Variants in CYRIA observed in about 807,000 individuals in gnomAD.
CYRIA encodes the protein CYFIP related Rac1 interactor A.
A neutral mutation model predicts 43.9 loss-of-function variants in CYRIA; 15 were observed. The ratio of observed to expected loss-of-function variants is 0.34; its 90% CI spans 0.23 to 0.53. The LOEUF is 0.53. Ranked by LOEUF, CYRIA falls within the 20% of genes least tolerant of loss-of-function variation. The probability of loss-of-function intolerance (pLI) is 0.94; values close to 1 mark genes in which losing one functional copy is unlikely to be tolerated. For missense variants in CYRIA, 236 were observed against 394.2 expected, an observed-to-expected ratio of 0.60 and a Z score of 3.40; for synonymous variants, 117 against 136.0, an observed-to-expected ratio of 0.86 and a Z score of 0.97.
At chr2:16,577,700 G>A (rs1248590621) in intron 3 of CYRIA, among the ~76,000 whole-genome samples, 1 of 152,178 alleles carries the variant, frequency 6.6e-6, no homozygotes, top group African/African-American at 2.4e-5. Flanking sequence ...GGGAGCTCCA[G>A]GCAGAAGGAC....
chr2:16,657,799 G>A (rs1321962686), intron 1 of CYRIA, among the ~76,000 whole-genome samples: 1 of 152,174 alleles, frequency 6.6e-6, no homozygotes, highest in Admixed American at 6.5e-5. Flanking sequence ...ATGCCCAGCA[G>A]GGTCTGGGAC....
intron 1 of CYRIA, among the ~76,000 whole-genome samples, chr2:16,624,337 T>C (rs1419172629): frequency 6.6e-6 from 1 of 152,248 alleles, no homozygotes; most frequent in African/African-American, 2.4e-5. Context: ...CAAGTGGTCA[T>C]TGACCTTGAA....
At chr2:16,563,342 T>C (rs1203970275) in intron 5 of CYRIA, among the ~76,000 whole-genome samples, 1 of 152,172 alleles carries the variant, frequency 6.6e-6, no homozygotes, top group Non-Finnish European at 1.5e-5. Context: ...CCCCAAGGTA[T>C]TTCAAGTTCT....
At chr2:16,601,310 G>A (rs1298101106) in intron 2 of CYRIA, among the ~76,000 whole-genome samples, 1 of 152,148 alleles carries the variant, frequency 6.6e-6, no homozygotes, top group South Asian at 2.1e-4. Context: ...TCCAGCTGAG[G>A]GGGTTGGGGG....
chr2:16,585,961 T>C (rs1667716813), intron 3 of CYRIA, among the ~76,000 whole-genome samples: 1 of 152,108 alleles, frequency 6.6e-6, no homozygotes, highest in African/African-American at 2.4e-5. Flanking sequence ...CTGCAAATTC[T>C]ACTTGGATCA....
At chr2:16,583,234 T>G (rs547915553) in intron 3 of CYRIA, among the ~76,000 whole-genome samples, 1 of 152,362 alleles carries the variant, frequency 6.6e-6, no homozygotes, top group East Asian at 1.9e-4. Context: ...ATAAATAGTT[T>G]ACTTGAAGTG....
intron 1 of CYRIA, among the ~76,000 whole-genome samples, chr2:16,633,158 C>T (rs1300527568): frequency 6.6e-6 from 1 of 152,168 alleles, no homozygotes; most frequent in South Asian, 2.1e-4. Context: ...ATGTTAACTC[C>T]CAGCTTAAGC....
chr2:16,615,386 G>T (rs1230913790), intron 2 of CYRIA, among the ~76,000 whole-genome samples: 6 of 152,156 alleles, frequency 3.9e-5, no homozygotes, highest in African/African-American at 1.4e-4. Context: ...TATGCATTTG[G>T]TTTTACAAGT....
chr2:16,611,883 T>G (rs1668615572), intron 2 of CYRIA, among the ~76,000 whole-genome samples: 1 of 152,198 alleles, frequency 6.6e-6, no homozygotes, highest in African/African-American at 2.4e-5. Flanking sequence ...CTCCCAGTCT[T>G]CTGGTTATGT....
At chr2:16,560,900 C>T (rs2103410111) in intron 9 of CYRIA, 90 bp downstream of exon 9, 1 of 1,192,050 alleles carries the variant, frequency 8.4e-7, no homozygotes, top group Non-Finnish European at 1.3e-6. Context: ...AGGGTGTTGA[C>T]CCAAATGTTA....
intron 1 of CYRIA, 94 bp downstream of exon 1, chr2:16,665,686 T>C (rs1670373035): frequency 7.0e-6 from 1 of 143,236 alleles, no homozygotes; most frequent in Admixed American, 6.9e-5. Flanking sequence ...CCGCCCCGCC[T>C]CGCGGTGCCC....
At chr2:16,557,776 G>A (rs1348940076) in intron 10 of CYRIA, among the ~76,000 whole-genome samples, 2 of 151,998 alleles carry the variant, frequency 1.3e-5, no homozygotes, top group Non-Finnish European at 2.9e-5. Context: ...TAAAGATTAG[G>A]GCTACAAGGC....
chr2:16,561,410 GA>G, intron 7 of CYRIA, 45 bp downstream of exon 7: 1 of 1,564,504 alleles, frequency 6.4e-7, no homozygotes, highest in Non-Finnish European at 8.8e-7. Context: ...GAAATCAAAA[GA>G]GTCATGGAGA....
intron 3 of CYRIA, among the ~76,000 whole-genome samples, chr2:16,571,408 G>T (rs1236943290): frequency 1.3e-5 from 2 of 152,208 alleles, no homozygotes; most frequent in East Asian, 3.9e-4. Flanking sequence ...TTTGGGGAAG[G>T]TCTTCGGTGA....
At chr2:16,577,307 T>G (rs1033186365) in intron 3 of CYRIA, among the ~76,000 whole-genome samples, 5 of 152,164 alleles carry the variant, frequency 3.3e-5, no homozygotes, top group African/African-American at 1.2e-4. Flanking sequence ...ATATATTAGA[T>G]GATACAAAAT....
chr2:16,663,536 C>T lies in CYRIA; in HGVS notation c.-167+2244G>A, dbSNP rs1278269193. Reference sequence around the variant, plus strand: ...CACTGACAGCTGACAGTGGGTGCCCCTATGGCCCTGGGGAGCTATGAACTC... The same window carrying T: ...CACTGACAGCTGACAGTGGGTGCCCTTATGGCCCTGGGGAGCTATGAACTC... On this transcript the variant is annotated intron_variant, in intron 1 of 11. Coordinates refer to ENST00000381323, the MANE Select transcript of CYRIA (RefSeq NM_030797.4). Among the ~76,000 whole-genome samples the T allele has an allele frequency of 2.0e-5, 3 of 151,644 alleles. No individual in the cohort carries two copies. The East Asian group carries it at 5.8e-4, about 29-fold the overall frequency.
intron 1 of CYRIA, among the ~76,000 whole-genome samples, chr2:16,662,668 T>C (rs1670288554): frequency 6.6e-6 from 1 of 152,198 alleles, no homozygotes; most frequent in Admixed American, 6.5e-5. Flanking sequence ...GCCATGCTTC[T>C]CTCCCCTACC....
At position 16,561,479 on chromosome 2, in the gene CYRIA, G is replaced by A. The variant is rs761608103; in HGVS notation, c.490C>T (p.Arg164Cys). The A allele has an allele frequency of 1.2e-6, 2 of 1,613,792 alleles. No individual in the cohort carries two copies. The highest frequency in any genetic ancestry group is 8.5e-7 in the Non-Finnish European group (1 of 1,179,782). The change falls in exon 7 of 12, where the codon CGC becomes TGC. Residue 164 changes from arginine to cysteine, a missense_variant. Physicochemically the swap from Arg to Cys is radical, Grantham distance 180. Transcript: ENST00000381323. Reference protein sequence around the residue: ...DFSYYRRTISRNRINNMHLDI... With the variant: ...DFSYYRRTISCNRINNMHLDI... ...ACGTGCATGTTGTTGATGCGGTTGC[G>A]ACTGATTGTTCTTCTGTAGTAGCTG...
intron 4 of CYRIA, among the ~76,000 whole-genome samples, chr2:16,564,923 C>T (rs1405396210): frequency 6.6e-6 from 1 of 152,198 alleles, no homozygotes; most frequent in African/African-American, 2.4e-5. Context: ...GTGTATCACA[C>T]TGGTGGAACC....
Sources: allele counts gnomAD v4.1 joint callset (sites outside exome capture counted in the v4.1 genomes callset), GRCh38; gene constraint gnomAD v4.1.1; transcripts MANE v1.5; gene names NCBI Gene and HGNC (gene_info 2026-07-23, HGNC 2026-07-21).